The following CDH12 variants were observed in gnomAD, a reference collection of about 807,000 sequenced individuals.
CDH12 encodes the protein cadherin-12.
Under a neutral mutation model 74.1 loss-of-function variants are expected in CDH12, and 41 were observed. The ratio of observed to expected loss-of-function variants is 0.55; its 90% CI spans 0.43 to 0.72. The LOEUF is 0.72. Ranked by LOEUF, CDH12 falls within the 30% of genes least tolerant of loss-of-function variation. The pLI, the probability that CDH12 is intolerant of heterozygous loss-of-function variation, is 0.00. For synonymous variants in CDH12, 399 were observed against 355.0 expected (o/e 1.12, Z -1.39); for missense variants, 945 against 977.2 (o/e 0.97, Z 0.44).
At chr5:22,668,121 G>A (rs1350081100) in intron 1 of CDH12, among the ~76,000 whole-genome samples, 1 of 151,990 alleles carries the variant, frequency 6.6e-6, no homozygotes, top group Non-Finnish European at 1.5e-5. Context: ...TTTAAATTGT[G>A]CTACTTAGTC....
intron 5 of CDH12, among the ~76,000 whole-genome samples, chr5:22,020,433 A>T (rs1342534850): frequency 6.6e-6 from 1 of 152,026 alleles, no homozygotes; most frequent in East Asian, 1.9e-4. Context: ...GCAAGCCTGT[A>T]ATCTCTGCTA....
intron 1 of CDH12, among the ~76,000 whole-genome samples, chr5:22,533,154 C>T (rs1022854888): frequency 6.6e-6 from 1 of 151,906 alleles, no homozygotes; most frequent in East Asian, 1.9e-4. Flanking sequence ...TGGTTCTCAA[C>T]AGGGAGAGAT....
At chr5:22,287,538 C>T (rs1737200765) in intron 3 of CDH12, among the ~76,000 whole-genome samples, 1 of 151,726 alleles carries the variant, frequency 6.6e-6, no homozygotes, top group South Asian at 2.1e-4. Flanking sequence ...TCTTGGCTAA[C>T]ACGGTGAAAC....
chr5:22,171,113 G>C (rs114930595), intron 4 of CDH12, among the ~76,000 whole-genome samples: 1 of 151,802 alleles, frequency 6.6e-6, no homozygotes, highest in Non-Finnish European at 1.5e-5. Context: ...GAACTTGCAT[G>C]GTCCACTGAA....
chr5:22,806,383 C>G (rs886230420), intron 1 of CDH12, among the ~76,000 whole-genome samples: 1 of 139,574 alleles, frequency 7.2e-6, no homozygotes, highest in African/African-American at 2.7e-5. Flanking sequence ...GATGGAGTCT[C>G]GCTCTGTGGC....
At chr5:21,921,042 T>G (rs185488868) in intron 6 of CDH12, among the ~76,000 whole-genome samples, 1 of 152,334 alleles carries the variant, frequency 6.6e-6, no homozygotes, top group African/African-American at 2.4e-5. Context: ...CAGAAAAACC[T>G]TTTCCTCTAA....
intron 1 of CDH12, among the ~76,000 whole-genome samples, chr5:22,624,721 A>T (rs1413305065): frequency 6.6e-6 from 1 of 152,246 alleles, no homozygotes; most frequent in East Asian, 1.9e-4. Context: ...GGGATTGTAA[A>T]CTAGTTCAAC....
At chr5:22,351,762 T>C (rs1250951309) in intron 3 of CDH12, among the ~76,000 whole-genome samples, 1 of 152,204 alleles carries the variant, frequency 6.6e-6, no homozygotes, top group Non-Finnish European at 1.5e-5. Context: ...ACTTTGGTCA[T>C]TTAGTAACAT....
chr5:22,140,030 G>A (rs2150296625), intron 4 of CDH12, among the ~76,000 whole-genome samples: 1 of 152,162 alleles, frequency 6.6e-6, no homozygotes, highest in African/African-American at 2.4e-5. Flanking sequence ...TCAGAAACGT[G>A]TTGCCAAACA....
intron 3 of CDH12, among the ~76,000 whole-genome samples, chr5:22,353,047 C>G (rs1424769642): frequency 6.6e-6 from 1 of 152,146 alleles, no homozygotes; most frequent in Non-Finnish European, 1.5e-5. Context: ...GGATGTGTGA[C>G]ATGATTCTGG....
rs542865374 is a variant in CDH12 at position 22,125,003 on chromosome 5, G to T, written c.-186-46141C>A. On this transcript the variant is annotated intron_variant, in intron 4 of 14. Transcript: ENST00000382254. ...AATAATTGCATTTCAGAGGATGTCT[G>T]TTCCTGTGTAAGGTGCACCTGTCCT... Among the ~76,000 whole-genome samples, 5 of 152,332 alleles carry T rather than the reference G, an allele frequency of 3.3e-5. No homozygotes were observed. The East Asian group carries it at 9.6e-4, about 29-fold the overall frequency.
rs867340794 is a variant in CDH12, at chr5:21,841,667, A to T, written c.814+494T>A. Reference sequence around the variant, plus strand: ...ATGTGGCACATACACACCATGGAATACTATGCAGCCATAAAAAATGATGAG... The same window carrying T: ...ATGTGGCACATACACACCATGGAATTCTATGCAGCCATAAAAAATGATGAG... On this transcript the variant is annotated intron_variant, in intron 8 of 14. Coordinates refer to ENST00000382254, the MANE Select transcript of CDH12 (RefSeq NM_004061.5). Among the ~76,000 whole-genome samples, 652 of 152,120 alleles carry T rather than the reference A, an allele frequency of 4.3e-3. 4 individuals carry two copies. The highest frequency in any genetic ancestry group is 0.015 in the African/African-American group (619 of 41,488).
intron 3 of CDH12, among the ~76,000 whole-genome samples, chr5:22,224,941 T>C (rs1400851814): frequency 6.6e-6 from 1 of 151,994 alleles, no homozygotes; most frequent in Non-Finnish European, 1.5e-5. Flanking sequence ...CATTAATGTG[T>C]TTATTTCAGT....
chr5:21,989,057 G>A (rs1757639636), intron 5 of CDH12, among the ~76,000 whole-genome samples: 1 of 151,946 alleles, frequency 6.6e-6, no homozygotes, highest in South Asian at 2.1e-4. Context: ...CATTGTGACA[G>A]GATTGACTTT....
intron 5 of CDH12, among the ~76,000 whole-genome samples, chr5:22,077,829 A>G (rs1013847652): frequency 6.6e-6 from 1 of 152,172 alleles, no homozygotes; most frequent in African/African-American, 2.4e-5. Context: ...TGATGTGTAC[A>G]TATTTGGGTT....
intron 10 of CDH12, among the ~76,000 whole-genome samples, chr5:21,797,586 G>C: frequency 6.6e-6 from 1 of 152,096 alleles, no homozygotes; most frequent in Non-Finnish European, 1.5e-5. Context: ...CAAGTGGGCC[G>C]ACTGCGACTC....
At chr5:22,042,638 C>T (rs1739648514) in intron 5 of CDH12, among the ~76,000 whole-genome samples, 1 of 152,052 alleles carries the variant, frequency 6.6e-6, no homozygotes, top group African/African-American at 2.4e-5. Context: ...ATAATTACAG[C>T]ACATTGGGAG....
chr5:21,832,357 C>T (rs1749070996), intron 8 of CDH12, among the ~76,000 whole-genome samples: 1 of 151,982 alleles, frequency 6.6e-6, no homozygotes, highest in Non-Finnish European at 1.5e-5. Context: ...TTTAAATTTG[C>T]TAATTTTCTT....
At chr5:22,507,420 G>C (rs758994048) in intron 1 of CDH12, among the ~76,000 whole-genome samples, 7 of 151,962 alleles carry the variant, frequency 4.6e-5, no homozygotes, top group Non-Finnish European at 8.8e-5. Context: ...ATAGTAGTCA[G>C]AATATATAAA....
Sources: allele counts gnomAD v4.1 joint callset (sites outside exome capture counted in the v4.1 genomes callset), GRCh38; gene constraint gnomAD v4.1.1; transcripts MANE v1.5; gene names NCBI Gene and HGNC (gene_info 2026-07-23, HGNC 2026-07-21).